The following GPD2 variants were observed in gnomAD, a reference collection of about 807,000 sequenced individuals.
GPD2 encodes the protein glycerol-3-phosphate dehydrogenase 2.
In GPD2, 54 loss-of-function variants were observed where a neutral mutation model predicts 82.4. That is an observed-to-expected ratio of 0.66 (90% CI 0.53 to 0.82). GPD2 has a LOEUF of 0.82. Among genes scored for constraint, GPD2 ranks in the 40% least tolerant of loss-of-function variants. The probability of loss-of-function intolerance (pLI) is 0.00; values close to 1 mark genes in which losing one functional copy is unlikely to be tolerated. For synonymous variants in GPD2, 288 were observed against 306.1 expected (o/e 0.94, Z 0.62); for missense variants, 748 against 896.2 (o/e 0.83, Z 2.11).
chr2:156,474,939 G>GA (rs1194567887), intron 1 of GPD2, among the ~76,000 whole-genome samples: 265 of 120,098 alleles, frequency 2.2e-3, no homozygotes, highest in Middle Eastern at 4.3e-3. Flanking sequence ...TGTCTCTACA[G>GA]AAAAAAAAAA....
At chr2:156,479,795 GCTT>G (rs1683655062) in intron 2 of GPD2, among the ~76,000 whole-genome samples, 1 of 152,072 alleles carries the variant, frequency 6.6e-6, no homozygotes, top group African/African-American at 2.4e-5. Flanking sequence ...TCTTAGAGTG[GCTT>G]CTTCTTCATT....
At chr2:156,436,278 C>G (rs1381131102), upstream of GPD2, 8 of 152,736 alleles carry the variant, frequency 5.2e-5, no homozygotes, top group Non-Finnish European at 4.4e-5. Context: ...GTCAGGCCTC[C>G]GGGAGGGAGC....
chr2:156,478,851 A>T (rs1224543128), intron 2 of GPD2, among the ~76,000 whole-genome samples: 1 of 152,206 alleles, frequency 6.6e-6, no homozygotes, highest in Admixed American at 6.5e-5. Flanking sequence ...TCCTAAGAAG[A>T]TTCCAACTGA....
At chr2:156,523,539 C>T (rs1685490722) in intron 6 of GPD2, among the ~76,000 whole-genome samples, 1 of 152,146 alleles carries the variant, frequency 6.6e-6, no homozygotes, top group Non-Finnish European at 1.5e-5. Flanking sequence ...AGTCTATACT[C>T]TCATTTCCCC....
chr2:156,568,678 A>C, intron 9 of GPD2, 147 bp from the exon 10 acceptor site: 1 of 694,514 alleles, frequency 1.4e-6, no homozygotes, highest in Non-Finnish European at 2.6e-6. Context: ...CTATCCACAA[A>C]CTTAGTTCTC....
Position 156,579,006 on chromosome 2 carries a change from TTATAA to T in GPD2, c.1880+8_1880+12del. The T allele has an allele frequency of 6.4e-7, 1 of 1,571,666 alleles. No individual in the cohort carries two copies. The highest frequency in any genetic ancestry group is 8.8e-7 in the Non-Finnish European group (1 of 1,141,802). ...ACTGCCTTCAGACATTGACAGGTACTTATAATAAGTGTCTATCTATCTCTCTTTTT... is the reference window on the plus strand; with the variant it reads ...ACTGCCTTCAGACATTGACAGGTACTTAAGTGTCTATCTATCTCTCTTTTT... On this transcript the variant is annotated splice_donor_region_variant and intron_variant, in intron 14 of 16. Coordinates refer to ENST00000438166, the MANE Select transcript of GPD2 (RefSeq NM_000408.5).
chr2:156,448,430 A>G (rs1209790751), intron 1 of GPD2, among the ~76,000 whole-genome samples: 1 of 152,226 alleles, frequency 6.6e-6, no homozygotes. Context: ...CAATTTTTCT[A>G]CAAATAAGAT....
rs779061562 is a variant in GPD2 at position 156,584,319 on chromosome 2, A to T, written c.*1401A>T. 1.3e-5 allele frequency: 2 copies of T among 151,962 alleles called. No homozygotes were observed. Among genetic ancestry groups the T allele is most frequent in the African/African-American group, 4.8e-5 (2 of 41,396 alleles). 9.4% of individuals were successfully genotyped at this position (151,962 alleles called of 1,614,324 possible). On this transcript the variant is annotated 3_prime_UTR_variant, in exon 17 of 17. Coordinates refer to ENST00000438166, the MANE Select transcript of GPD2 (RefSeq NM_000408.5). ...CATCAGGTTCTGTATCTAATAGGAG[A>T]TGTAACACTTTATTTCATGGCAGGT... is the stretch of plus-strand genomic sequence containing the variant.
At chr2:156,409,394 C>T in the GPD2 span, among the ~76,000 whole-genome samples, 3 of 152,104 alleles carry the variant, frequency 2.0e-5, no homozygotes, top group African/African-American at 7.2e-5. Context: ...AAGCTAAACA[C>T]AACAATAATA....
chr2:156,488,699 G>A (rs976463044), intron 2 of GPD2, among the ~76,000 whole-genome samples: 2 of 151,672 alleles, frequency 1.3e-5, no homozygotes, highest in Non-Finnish European at 2.9e-5. Flanking sequence ...CAGGGTGAAC[G>A]TTCTCTGGGA....
chr2:156,555,021 C>A (rs1006665532), intron 8 of GPD2, among the ~76,000 whole-genome samples: 1 of 152,138 alleles, frequency 6.6e-6, no homozygotes, highest in African/African-American at 2.4e-5. Flanking sequence ...TGTTGCATTG[C>A]GTATACTATC....
intron 2 of GPD2, among the ~76,000 whole-genome samples, chr2:156,485,216 A>G (rs1683895123): frequency 6.6e-6 from 1 of 152,222 alleles, no homozygotes; most frequent in African/African-American, 2.4e-5. Flanking sequence ...TGCATAGGAT[A>G]TCTAACACTG....
At chr2:156,412,684 T>C in the GPD2 span, among the ~76,000 whole-genome samples, 1 of 152,228 alleles carries the variant, frequency 6.6e-6, no homozygotes, top group African/African-American at 2.4e-5. Flanking sequence ...ATATTAGCTA[T>C]ACATAACAAA....
At chr2:156,579,325 CTTTCTTTTTTT>C (rs1441361111) in intron 15 of GPD2, among the ~76,000 whole-genome samples, 161 bp downstream of exon 15, 5 of 142,830 alleles carry the variant, frequency 3.5e-5, no homozygotes, top group African/African-American at 1.3e-4. Context: ...TTTCTTTTTT[CTTTCTTTTTTT>C]TTTTTTTTGA....
At chr2:156,460,332 A>G (rs1158276943) in intron 1 of GPD2, among the ~76,000 whole-genome samples, 1 of 152,168 alleles carries the variant, frequency 6.6e-6, no homozygotes, top group Non-Finnish European at 1.5e-5. Flanking sequence ...TTTAGTTTCC[A>G]GTGTGATGCC....
At chr2:156,418,747 T>C in the GPD2 span, among the ~76,000 whole-genome samples, 2 of 152,050 alleles carry the variant, frequency 1.3e-5, no homozygotes, top group African/African-American at 4.8e-5. Context: ...TGGTGTACGT[T>C]ATGGGAGGGG....
chr2:156,510,751 A>G, intron 3 of GPD2, 45 bp from the exon 4 acceptor site: 1 of 1,537,078 alleles, frequency 6.5e-7, no homozygotes, highest in Non-Finnish European at 9.0e-7. Flanking sequence ...AATTACATAC[A>G]AATTGTGTAA....
intron 6 of GPD2, among the ~76,000 whole-genome samples, chr2:156,549,266 C>T (rs780347600): frequency 1.7e-4 from 26 of 152,142 alleles, no homozygotes; most frequent in Non-Finnish European, 3.1e-4. Context: ...TTCATGCTTA[C>T]GATTTGTCTG....
chr2:156,545,980 A>G (rs1558953493), intron 6 of GPD2, among the ~76,000 whole-genome samples: 1 of 152,218 alleles, frequency 6.6e-6, no homozygotes, highest in Non-Finnish European at 1.5e-5. Context: ...GATTAAGACA[A>G]AGTTTTCTCT....
Sources: allele counts gnomAD v4.1 joint callset (sites outside exome capture counted in the v4.1 genomes callset), GRCh38; gene constraint gnomAD v4.1.1; transcripts MANE v1.5; gene names NCBI Gene and HGNC (gene_info 2026-07-23, HGNC 2026-07-21).